The following TNNI3K variants were observed in gnomAD, a reference collection of about 807,000 sequenced individuals.
TNNI3K encodes TNNI3 interacting kinase.
In TNNI3K, 140 loss-of-function variants were observed where a neutral mutation model predicts 114.5. The observed-to-expected ratio is 1.22, with a 90% CI of 1.07 to 1.41. The LOEUF (loss-of-function observed/expected upper bound fraction) is 1.41, where lower values mean the gene tolerates loss of function less well. TNNI3K is among the 40% of genes most tolerant of loss of function. The probability of loss-of-function intolerance (pLI) is 0.00; values close to 1 mark genes in which losing one functional copy is unlikely to be tolerated. For synonymous variants in TNNI3K, 347 were observed against 347.5 expected (o/e 1.00, Z 0.02); for missense variants, 1,125 against 1,007.6 (o/e 1.12, Z -1.58).
intron 17 of TNNI3K, chr1:74,416,560 T>A: frequency 1.0e-6 from 1 of 985,310 alleles, no homozygotes; most frequent in African/African-American, 1.7e-5. Context: ...TAACTTTGCA[T>A]TCCCCTGATA....
chr1:74,422,860 C>T (rs1194608803), intron 17 of TNNI3K, among the ~76,000 whole-genome samples: 8 of 152,078 alleles, frequency 5.3e-5, no homozygotes, highest in Non-Finnish European at 1.2e-4. Flanking sequence ...AGCTCGTAGA[C>T]ATCTTTAGAA....
At chr1:74,520,126 A>G (rs143503828) in intron 23 of TNNI3K, among the ~76,000 whole-genome samples, 175 of 149,920 alleles carry the variant, frequency 1.2e-3, no homozygotes, top group African/African-American at 4.0e-3. Context: ...GCTGAACCCA[A>G]TTTGTAGTCT....
At chr1:74,451,320 G>T (rs1175499768) in intron 20 of TNNI3K, among the ~76,000 whole-genome samples, 4 of 152,094 alleles carry the variant, frequency 2.6e-5, no homozygotes, top group Non-Finnish European at 5.9e-5. Context: ...GTGACAGGTT[G>T]ATAGGTGCAG....
rs145858663 is a variant in TNNI3K, at chr1:74,403,959, G to A, written c.1773-32121G>A. Among the ~76,000 whole-genome samples, 465 of 152,018 alleles carry A rather than the reference G, an allele frequency of 3.1e-3. 3 individuals are homozygous for A. Among genetic ancestry groups the A allele is most frequent in the African/African-American group, 0.011 (440 of 41,436 alleles). On this transcript the variant is annotated intron_variant, in intron 17 of 24. Coordinates refer to ENST00000326637, the MANE Select transcript of TNNI3K (RefSeq NM_015978.3). ...TAGAGTAAATAATTGAAATTTCTTC[G>A]GTCCTTTTTATGTGTTGTCTATTTA... is the stretch of plus-strand genomic sequence containing the variant.
chr1:74,296,706 C>G (rs1419971016), intron 5 of TNNI3K, among the ~76,000 whole-genome samples: 1 of 152,018 alleles, frequency 6.6e-6, no homozygotes, highest in Non-Finnish European at 1.5e-5. Context: ...TTACTGAATT[C>G]CGGTTGGACA....
intron 23 of TNNI3K, among the ~76,000 whole-genome samples, chr1:74,531,671 T>G (rs958084316): frequency 6.6e-6 from 1 of 152,248 alleles, no homozygotes; most frequent in Admixed American, 6.5e-5. Flanking sequence ...AAGCTGTTTC[T>G]CCACCTTTTC....
At chr1:74,337,641 A>C (rs1384572867) in intron 7 of TNNI3K, among the ~76,000 whole-genome samples, 2 of 152,162 alleles carry the variant, frequency 1.3e-5, no homozygotes, top group Non-Finnish European at 2.9e-5. Flanking sequence ...ACATCCATTG[A>C]AAACCACCCA....
intron 21 of TNNI3K, among the ~76,000 whole-genome samples, chr1:74,483,875 T>G (rs1032272228): frequency 2.0e-5 from 3 of 152,292 alleles, no homozygotes; most frequent in African/African-American, 7.2e-5. Flanking sequence ...TTCTTACTCC[T>G]TATAGATTTA....
intron 17 of TNNI3K, among the ~76,000 whole-genome samples, chr1:74,427,593 C>T (rs1665698713): frequency 6.6e-6 from 1 of 151,878 alleles, no homozygotes; most frequent in Non-Finnish European, 1.5e-5. Context: ...CAATATCCTT[C>T]CTCCCTTTCT....
intron 20 of TNNI3K, among the ~76,000 whole-genome samples, chr1:74,462,989 C>T (rs189446932): frequency 6.6e-6 from 1 of 152,302 alleles, no homozygotes; most frequent in Admixed American, 6.5e-5. Flanking sequence ...AAAAAATCTA[C>T]TTTGCTCAAG....
chr1:74,524,514 A>G (rs964314216), intron 23 of TNNI3K, among the ~76,000 whole-genome samples: 1 of 152,234 alleles, frequency 6.6e-6, no homozygotes. Context: ...AGGAAAATGC[A>G]TTAGGAAAAA....
chr1:74,387,403 A>T (rs2100560745), intron 17 of TNNI3K, among the ~76,000 whole-genome samples: 1 of 152,340 alleles, frequency 6.6e-6, no homozygotes, highest in Non-Finnish European at 1.5e-5. Flanking sequence ...ATGTTTGTAT[A>T]ATCAGCAAGA....
At position 74,485,148 on chromosome 1, in the gene TNNI3K, A is replaced by G. The variant is rs147917546; in HGVS notation, c.2122-4041A>G. Among the ~76,000 whole-genome samples, 383 of 152,354 alleles carry G rather than the reference A, an allele frequency of 2.5e-3. 4 individuals are homozygous for G. The highest frequency in any genetic ancestry group is 0.023 in the South Asian group (109 of 4,826). On this transcript the variant is annotated intron_variant, in intron 21 of 24. Coordinates refer to ENST00000326637, the MANE Select transcript of TNNI3K (RefSeq NM_015978.3). ...GTAAATACCTATCTATAACACAAGG[A>G]GAAACGAAGTAAATCTAAATGCAAG...
chr1:74,336,032 T>C lies in TNNI3K; in HGVS notation c.565T>C (p.Phe189Leu). Residue 189 changes from phenylalanine to leucine, a missense_variant, in exon 7 of 25, where the codon TTT (phenylalanine) becomes CTT (leucine). Transcript: ENST00000326637. ...HEQVTRLLLK[F>L]GADVNVSGEV... ...TTAGGTAACTCGCCTTCTTTTGAAA[T>C]TTGGTGCTGATGTAAATGTAAGTGG... is the stretch of plus-strand genomic sequence containing the variant. The C allele has an allele frequency of 6.3e-7, 1 of 1,576,594 alleles. No homozygotes were observed. The highest frequency in any genetic ancestry group is 1.4e-5 in the African/African-American group (1 of 72,424).
chr1:74,265,388 C>A (rs899374883), intron 4 of TNNI3K, among the ~76,000 whole-genome samples: 3 of 151,842 alleles, frequency 2.0e-5, no homozygotes, highest in Non-Finnish European at 4.4e-5. Context: ...ATGTCGAGGC[C>A]CTTCTTTTAC....
At chr1:74,411,508 C>T (rs562436822) in intron 17 of TNNI3K, among the ~76,000 whole-genome samples, 1 of 151,998 alleles carries the variant, frequency 6.6e-6, no homozygotes, top group South Asian at 2.1e-4. Flanking sequence ...AAGAAGGACC[C>T]CCTCCCCCAC....
intron 19 of TNNI3K, 82 bp downstream of exon 19, chr1:74,436,608 AG>A: frequency 9.2e-6 from 13 of 1,412,774 alleles, no homozygotes; most frequent in Non-Finnish European, 1.2e-5. Context: ...AGATGAGAGC[AG>A]TTTTAATTGG....
At chr1:74,393,682 A>T (rs557739920) in intron 17 of TNNI3K, among the ~76,000 whole-genome samples, 2 of 151,992 alleles carry the variant, frequency 1.3e-5, no homozygotes, top group African/African-American at 4.8e-5. Context: ...GGCACCAGGG[A>T]GCAGTTTTGT....
rs549813459 is a variant in TNNI3K at position 74,364,242 on chromosome 1, C to A, written c.1178-3014C>A. Among the ~76,000 whole-genome samples the A allele has an allele frequency of 1.6e-3, 238 of 151,804 alleles. 1 individual carries two copies. Among genetic ancestry groups the A allele is most frequent in the African/African-American group, 5.6e-3 (231 of 41,348 alleles). On this transcript the variant is annotated intron_variant, in intron 11 of 24. Transcript: ENST00000326637. Reference sequence around the variant, plus strand: ...CTGGTCTTCAACTCCTGGCCTCAAACAATCCCTCCACCTCAGCCCCACAAA... The same window carrying A: ...CTGGTCTTCAACTCCTGGCCTCAAAAAATCCCTCCACCTCAGCCCCACAAA...
Sources: allele counts gnomAD v4.1 joint callset (sites outside exome capture counted in the v4.1 genomes callset), GRCh38; gene constraint gnomAD v4.1.1; transcripts MANE v1.5; gene names NCBI Gene and HGNC (gene_info 2026-07-23, HGNC 2026-07-21).